The following INSYN2A variants were observed in gnomAD, a reference collection of about 807,000 sequenced individuals.
The protein encoded by INSYN2A is family with sequence similarity 196 member A.
A neutral mutation model predicts 39.4 loss-of-function variants in INSYN2A; 17 were observed. That is an observed-to-expected ratio of 0.43 (90% CI 0.30 to 0.65). The LOEUF (loss-of-function observed/expected upper bound fraction) is 0.65, where lower values mean the gene tolerates loss of function less well. INSYN2A is among the 30% of genes least tolerant of loss of function. The probability of loss-of-function intolerance (pLI) is 0.14; values close to 1 mark genes in which losing one functional copy is unlikely to be tolerated. For missense variants in INSYN2A, 595 were observed against 631.2 expected, an observed-to-expected ratio of 0.94 and a Z score of 0.61; for synonymous variants, 255 against 265.7, an observed-to-expected ratio of 0.96 and a Z score of 0.39.
chr10:127,172,195 G>A (rs753206242), intron 4 of INSYN2A, among the ~76,000 whole-genome samples: 109 of 152,208 alleles, frequency 7.2e-4, no homozygotes, highest in Non-Finnish European at 1.3e-3. Flanking sequence ...TGAATCCCTC[G>A]TTCTAAAGTC....
At chr10:127,166,905 T>C (rs1446390672) in intron 4 of INSYN2A, among the ~76,000 whole-genome samples, 1 of 152,128 alleles carries the variant, frequency 6.6e-6, no homozygotes, top group Non-Finnish European at 1.5e-5. Flanking sequence ...TGGTGAGGCT[T>C]TTATTCACCT....
intron 5 of INSYN2A, among the ~76,000 whole-genome samples, chr10:127,140,733 G>A (rs2051159753): frequency 6.7e-6 from 1 of 149,586 alleles, no homozygotes. Context: ...TAACGGTCTG[G>A]CCAACTCTGG....
intron 4 of INSYN2A, among the ~76,000 whole-genome samples, chr10:127,173,160 G>A (rs978222924): frequency 2.0e-5 from 3 of 152,238 alleles, no homozygotes; most frequent in South Asian, 4.2e-4. Context: ...CAACACTCAT[G>A]CCACTAGTGG....
At chr10:127,143,077 T>C (rs1286160782) in intron 5 of INSYN2A, among the ~76,000 whole-genome samples, 1 of 152,232 alleles carries the variant, frequency 6.6e-6, no homozygotes, top group African/African-American at 2.4e-5. Context: ...CTCCAGCTTA[T>C]TCTCTGTTTG....
intron 2 of INSYN2A, among the ~76,000 whole-genome samples, chr10:127,188,897 C>G (rs1240308573): frequency 1.3e-5 from 2 of 152,132 alleles, no homozygotes; most frequent in Non-Finnish European, 2.9e-5. Context: ...AGTCACATGC[C>G]AAAGGTCACA....
chr10:127,179,205 A>C (rs2055478995), intron 2 of INSYN2A, among the ~76,000 whole-genome samples: 1 of 152,248 alleles, frequency 6.6e-6, no homozygotes, highest in Non-Finnish European at 1.5e-5. Flanking sequence ...ATTTTCTTAC[A>C]TCAGTTGGCT....
intron 2 of INSYN2A, among the ~76,000 whole-genome samples, 193 bp from the exon 3 acceptor site, chr10:127,177,332 G>A (rs2055255362): frequency 6.6e-6 from 1 of 152,182 alleles, no homozygotes; most frequent in Non-Finnish European, 1.5e-5. Context: ...AAAAGATGCA[G>A]GTGGCCAATG....
intron 4 of INSYN2A, among the ~76,000 whole-genome samples, chr10:127,169,041 C>G (rs1480815682): frequency 2.6e-5 from 4 of 152,198 alleles, no homozygotes; most frequent in Non-Finnish European, 5.9e-5. Flanking sequence ...TTCTACCCAT[C>G]TAGCATCAAT....
At chr10:127,140,954 A>G (rs1178095127) in intron 5 of INSYN2A, among the ~76,000 whole-genome samples, 1 of 152,138 alleles carries the variant, frequency 6.6e-6, no homozygotes, top group African/African-American at 2.4e-5. Flanking sequence ...TGGAGGGCCC[A>G]TGGCTCTTGC....
chr10:127,194,853 G>A (rs565408332), intron 1 of INSYN2A, among the ~76,000 whole-genome samples: 1 of 152,274 alleles, frequency 6.6e-6, no homozygotes, highest in South Asian at 2.1e-4. Context: ...TTTCACCTCG[G>A]GATGCTTCCG....
chr10:127,150,338 C>G (rs977862264), intron 5 of INSYN2A, among the ~76,000 whole-genome samples: 1 of 150,026 alleles, frequency 6.7e-6, no homozygotes, highest in Non-Finnish European at 1.5e-5. Flanking sequence ...ATTGCTCACC[C>G]TCCCCTTTCT....
chr10:127,175,068 T>C lies in INSYN2A; in HGVS notation c.1184+144A>G. 1.4e-6 allele frequency: 1 copy of C among 703,926 alleles called. No homozygotes were observed. The highest frequency in any genetic ancestry group is 2.5e-6 in the Non-Finnish European group (1 of 405,306). The allele number at this position is 703,926 out of a possible 1,614,324, so 43.6% of individuals were successfully genotyped here. A position where few individuals can be genotyped will look rare whatever the true frequency, so the allele number is the denominator to read the frequency against. On this transcript the variant is annotated intron_variant, in intron 4 of 5. Transcript: ENST00000522781. This position sits in a 1 kb window ranked among gnomAD's most constrained non-coding sequence, Gnocchi z 6.3. ...GTATCATAAAATAATCTGCGACCCC[T>C]TGGAGCTCGCCACGCCCTTAGACTA...
At chr10:127,148,854 A>T (rs917146632) in intron 5 of INSYN2A, among the ~76,000 whole-genome samples, 10 of 152,218 alleles carry the variant, frequency 6.6e-5, no homozygotes, top group Non-Finnish European at 1.2e-4. Context: ...TCATGCTGAG[A>T]TGGTTTTAAT....
intron 5 of INSYN2A, among the ~76,000 whole-genome samples, chr10:127,148,030 CAAAAAAAAAAAAAA>C (rs57503481): frequency 3.2e-5 from 2 of 63,318 alleles, no homozygotes; most frequent in South Asian, 2.2e-3. Context: ...GACTCTGTCT[CAAAAAAAAAAAAAA>C]AAAAAAAAAA....
At chr10:127,182,774 C>A (rs73380430) in intron 2 of INSYN2A, among the ~76,000 whole-genome samples, 1,787 of 152,204 alleles carry the variant, frequency 0.012, 30 homozygotes, top group African/African-American at 0.041. Flanking sequence ...TTCCCTGCCT[C>A]CCTGTTTCCC....
chr10:127,186,827 C>T (rs1398999314), intron 2 of INSYN2A, among the ~76,000 whole-genome samples: 2 of 151,894 alleles, frequency 1.3e-5, no homozygotes, highest in African/African-American at 2.4e-5. Flanking sequence ...GTTAGGGGAA[C>T]GGTGAGTCGA....
intron 5 of INSYN2A, among the ~76,000 whole-genome samples, chr10:127,143,022 C>A (rs1014178943): frequency 1.3e-5 from 2 of 152,188 alleles, no homozygotes; most frequent in African/African-American, 4.8e-5. Context: ...TAACACTTCT[C>A]CCCGCTGCCG....
At chr10:127,163,443 CG>C (rs1250656439) in intron 4 of INSYN2A, among the ~76,000 whole-genome samples, 2 of 152,084 alleles carry the variant, frequency 1.3e-5, no homozygotes, top group Non-Finnish European at 2.9e-5. Flanking sequence ...TGTCTGTTCC[CG>C]GGCGGGCAAA....
chr10:127,158,185 T>C (rs2133606557), intron 4 of INSYN2A, among the ~76,000 whole-genome samples: 1 of 152,366 alleles, frequency 6.6e-6, no homozygotes, highest in African/African-American at 2.4e-5. Flanking sequence ...AGTGCTGTTA[T>C]GGAATTTCCC....
Sources: allele counts gnomAD v4.1 joint callset (sites outside exome capture counted in the v4.1 genomes callset), GRCh38; gene constraint gnomAD v4.1.1; non-coding constraint Gnocchi (gnomAD v3.1); transcripts MANE v1.5; gene names NCBI Gene and HGNC (gene_info 2026-07-23, HGNC 2026-07-21).